The following SCN3A variants were observed in gnomAD, a reference collection of about 807,000 sequenced individuals.
The protein encoded by SCN3A is sodium voltage-gated channel alpha subunit 3, also known as sodium channel protein type 3 subunit alpha.
Under a neutral mutation model 187.6 loss-of-function variants are expected in SCN3A, and 60 were observed. The ratio of observed to expected loss-of-function variants is 0.32; its 90% CI spans 0.26 to 0.40. SCN3A has a LOEUF of 0.40. SCN3A is among the 10% of genes least tolerant of loss of function. The pLI, the probability that SCN3A is intolerant of heterozygous loss-of-function variation, is 1.00. For missense variants in SCN3A, 1,601 were observed against 2,428.2 expected (o/e 0.66, Z 7.16); for synonymous variants, 788 against 829.2 (o/e 0.95, Z 0.85).
chr2:165,176,828 T>C (rs1690500200), intron 2 of SCN3A, among the ~76,000 whole-genome samples: 2 of 152,198 alleles, frequency 1.3e-5, no homozygotes, highest in Admixed American at 1.3e-4. Context: ...AAAAGAGTAA[T>C]GCCAGTAAAG....
At position 165,092,213 on chromosome 2, in the gene SCN3A, T is replaced by C; in HGVS notation, c.4807+41A>G. On this transcript the variant is annotated intron_variant, in intron 27 of 27. Transcript: ENST00000283254. The surrounding 1 kb of genome is among the most constrained non-coding windows in gnomAD (Gnocchi z 4.2). ...AGCTAGAAGGTCCTGGGGCAACTGT[T>C]TCTCTGTAACTATACCTCTTGGTAA... 6.2e-7 allele frequency: 1 copy of C among 1,601,390 alleles called. No individual in the cohort carries two copies. Among genetic ancestry groups the C allele is most frequent in the Non-Finnish European group, 8.6e-7 (1 of 1,168,602 alleles).
intron 12 of SCN3A, among the ~76,000 whole-genome samples, chr2:165,145,086 T>C (rs1418063275): frequency 6.6e-6 from 1 of 152,192 alleles, no homozygotes. Context: ...TTTCTATATA[T>C]TGCTTAGTCC....
chr2:165,161,979 C>T (rs1689425006), intron 9 of SCN3A, among the ~76,000 whole-genome samples: 1 of 152,180 alleles, frequency 6.6e-6, no homozygotes, highest in South Asian at 2.1e-4. Context: ...TAAAAAGGGG[C>T]CCATCTTGTG....
At chr2:165,146,642 GA>G in intron 12 of SCN3A, 96 bp downstream of exon 12, 2 of 1,291,608 alleles carry the variant, frequency 1.5e-6, no homozygotes, top group Non-Finnish European at 1.1e-6. Context: ...GTCCCTCACT[GA>G]AGTCAGATAG....
chr2:165,104,007 T>C (rs1337753071), intron 21 of SCN3A, among the ~76,000 whole-genome samples: 1 of 152,060 alleles, frequency 6.6e-6, no homozygotes, highest in Non-Finnish European at 1.5e-5. Flanking sequence ...TTTGCAGATA[T>C]ATTGTTGTTA....
intron 3 of SCN3A, among the ~76,000 whole-genome samples, chr2:165,172,044 C>G (rs1156261061): frequency 6.6e-6 from 1 of 152,144 alleles, no homozygotes; most frequent in Non-Finnish European, 1.5e-5. Context: ...TGACAACATG[C>G]TTTGTTTGAG....
At chr2:165,116,393 A>G (rs10930151) in intron 18 of SCN3A, among the ~76,000 whole-genome samples, 32,279 of 152,172 alleles carry the variant, frequency 0.21, 3,479 homozygotes, top group South Asian at 0.29. Flanking sequence ...CTGTAATATT[A>G]CAAGAATAAA....
At chr2:165,174,969 G>T (rs748372134) in intron 3 of SCN3A, among the ~76,000 whole-genome samples, 1 of 152,130 alleles carries the variant, frequency 6.6e-6, no homozygotes, top group Non-Finnish European at 1.5e-5. Context: ...AGAAATTCAG[G>T]ATCTCTGGCC....
In SCN3A at chr2:165,089,959, A is replaced by G. The variant is rs1474330207; in HGVS notation, c.*191T>C. ...TAATAAAAACAGCAACCTCTTGTCA[A>G]TGTTGATACCCTGCTTCACAGAGTT... On this transcript the variant is annotated 3_prime_UTR_variant, in exon 28 of 28. Transcript: ENST00000283254. The G allele has an allele frequency of 9.6e-6, 7 of 730,010 alleles. No individual in the cohort carries two copies. Among genetic ancestry groups the G allele is most frequent in the South Asian group, 3.9e-5 (2 of 51,466 alleles). 45.2% of individuals were successfully genotyped at this position (730,010 alleles called of 1,614,324 possible).
At chr2:165,177,338 C>T (rs1345500522) in intron 2 of SCN3A, among the ~76,000 whole-genome samples, 1 of 152,220 alleles carries the variant, frequency 6.6e-6, no homozygotes, top group East Asian at 1.9e-4. Flanking sequence ...GACAAAGTAA[C>T]CCCTTATTGC....
At chr2:165,091,544 G>A (rs1422888691) in intron 27 of SCN3A, among the ~76,000 whole-genome samples, 199 bp from the exon 28 acceptor site, 1 of 152,030 alleles carries the variant, frequency 6.6e-6, no homozygotes, top group East Asian at 1.9e-4. Flanking sequence ...AAACCAATAT[G>A]AATTTTTGCA....
intron 21 of SCN3A, among the ~76,000 whole-genome samples, chr2:165,106,524 T>C (rs1685867694): frequency 6.6e-6 from 1 of 152,158 alleles, no homozygotes; most frequent in African/African-American, 2.4e-5. Context: ...TATGAATTGT[T>C]TTTGACATTT....
In SCN3A at chr2:165,140,868, A is replaced by C; in HGVS notation, c.1802T>G (p.Phe601Cys). Reference sequence around the variant, plus strand: ...GTCTCTCCTGCTTTCGCTGTCTTCAAATGTGCTGTGTTCATCATCAGCAAA... The same window carrying C: ...GTCTCTCCTGCTTTCGCTGTCTTCACATGTGCTGTGTTCATCATCAGCAAA... ...NDFADDEHST[F>C]EDSESRRDSL... The change falls in exon 13 of 28, where the codon TTT (phenylalanine) becomes TGT (cysteine). Residue 601 changes from phenylalanine to cysteine, a missense_variant. Physicochemically the swap from Phe to Cys is radical, Grantham distance 205 (BLOSUM62 -2). Transcript: ENST00000283254. This position sits in a 1 kb window ranked among gnomAD's most constrained non-coding sequence, Gnocchi z 4.2. 6.2e-7 allele frequency: 1 copy of C among 1,614,092 alleles called. No individual in the cohort carries two copies. Among genetic ancestry groups the C allele is most frequent in the Non-Finnish European group, 8.5e-7 (1 of 1,180,010 alleles).
At chr2:165,202,130 A>C (rs1352871424) in intron 1 of SCN3A, among the ~76,000 whole-genome samples, 4 of 152,072 alleles carry the variant, frequency 2.6e-5, no homozygotes, top group Admixed American at 6.6e-5. Flanking sequence ...TTAAAGAGTA[A>C]GTTATTCAAA....
Position 165,091,167 on chromosome 2 carries a change from G to A in SCN3A, c.4986C>T (p.Leu1662=). 1.2e-6 allele frequency: 2 copies of A among 1,614,132 alleles called. No individual in the cohort carries two copies. The highest frequency in any genetic ancestry group is 1.3e-5 in the African/African-American group (1 of 75,026). The change falls in exon 28 of 28, where the codon CTC becomes CTT. Residue 1662 remains leucine, a synonymous_variant. Transcript: ENST00000283254. ...TGGCATAGATAAACATGACCAGGAA[G>A]AGCAGGAGGCCGATGTTAAACAACG... ...LPALFNIGLL[L]FLVMFIYAIF...
intron 19 of SCN3A, 120 bp downstream of exon 19, chr2:165,115,335 G>T: frequency 2.4e-6 from 3 of 1,262,802 alleles, no homozygotes; most frequent in Non-Finnish European, 1.1e-6. Context: ...CCAAAATTTT[G>T]GGGTTACAGG....
intron 15 of SCN3A, among the ~76,000 whole-genome samples, chr2:165,133,575 C>G (rs1687487293): frequency 9.2e-5 from 14 of 151,364 alleles, no homozygotes; most frequent in Admixed American, 9.2e-4. Flanking sequence ...AACTCCTGAC[C>G]TCAAGTGATC....
chr2:165,176,365 T>G lies in SCN3A; in HGVS notation c.30A>C (p.Gly10=). MAQALLVPP[G]PESFRLFTRE... ...TAGTAAAAAGGCGGAAGCTTTCAGG[T>G]CCTGGGGGTACCAACAGTGCCTGTG... The change falls in exon 3 of 28, where the codon GGA becomes GGC. Residue 10 remains glycine (G), a synonymous_variant. Transcript: ENST00000283254. The G allele has an allele frequency of 1.2e-6, 2 of 1,614,096 alleles. No individual in the cohort carries two copies. The highest frequency in any genetic ancestry group is 2.2e-5 in the South Asian group (2 of 91,084).
intron 15 of SCN3A, among the ~76,000 whole-genome samples, chr2:165,136,748 C>T (rs1687693990): frequency 1.3e-5 from 2 of 152,174 alleles, no homozygotes; most frequent in Admixed American, 1.3e-4. Context: ...GGGACACGGC[C>T]TTTGCCAAAG....
Sources: allele counts gnomAD v4.1 joint callset (sites outside exome capture counted in the v4.1 genomes callset), GRCh38; gene constraint gnomAD v4.1.1; non-coding constraint Gnocchi (gnomAD v3.1); transcripts MANE v1.5; gene names NCBI Gene and HGNC (gene_info 2026-07-23, HGNC 2026-07-21).